Variants in GCH1 observed in about 807,000 individuals in gnomAD.
The protein encoded by GCH1 is GTP cyclohydrolase I.
A neutral mutation model predicts 25.9 loss-of-function variants in GCH1; 5 were observed. The ratio of observed to expected loss-of-function variants is 0.19; its 90% CI spans 0.10 to 0.41. The LOEUF is 0.41. GCH1 is among the 10% of genes least tolerant of loss of function. The probability of loss-of-function intolerance (pLI) is 1.00; values close to 1 mark genes in which losing one functional copy is unlikely to be tolerated. For synonymous variants in GCH1, 159 were observed against 129.6 expected (o/e 1.23, Z -1.54); for missense variants, 261 against 336.5 (o/e 0.78, Z 1.75).
At chr14:54,883,717 A>T (rs1393455937) in intron 1 of GCH1, among the ~76,000 whole-genome samples, 1 of 151,982 alleles carries the variant, frequency 6.6e-6, no homozygotes, top group Non-Finnish European at 1.5e-5. Flanking sequence ...GAGAAAACAG[A>T]CCCACTGCTG....
intron 3 of GCH1, among the ~76,000 whole-genome samples, chr14:54,853,237 T>G (rs1026755650): frequency 6.6e-6 from 1 of 152,216 alleles, no homozygotes; most frequent in Non-Finnish European, 1.5e-5. Flanking sequence ...GTGCTGAGAT[T>G]ATAGGCATGA....
chr14:54,892,843 T>C (rs954615566), intron 1 of GCH1, among the ~76,000 whole-genome samples: 5 of 151,892 alleles, frequency 3.3e-5, no homozygotes, highest in South Asian at 4.2e-4. Context: ...CTCTAGGAGG[T>C]TGAGACAGGC....
At chr14:54,896,920 A>G (rs1269076162) in intron 1 of GCH1, among the ~76,000 whole-genome samples, 1 of 143,726 alleles carries the variant, frequency 7.0e-6, no homozygotes, top group Non-Finnish European at 1.5e-5. Flanking sequence ...CTTCATCTCA[A>G]AAAAAAAAAA....
intron 3 of GCH1, among the ~76,000 whole-genome samples, chr14:54,855,790 G>T (rs1272431207): frequency 6.6e-6 from 1 of 152,108 alleles, no homozygotes; most frequent in Non-Finnish European, 1.5e-5. Flanking sequence ...CTCCAGCCTG[G>T]CCGACAAAGC....
Position 54,859,670 on chromosome 14 carries a change from G to C in GCH1, c.509+11C>G. The C allele has an allele frequency of 2.0e-6, 3 of 1,525,680 alleles. No individual in the cohort carries two copies. The highest frequency in any genetic ancestry group is 1.1e-5 in the South Asian group (1 of 89,302). 94.5% of individuals were successfully genotyped at this position (1,525,680 alleles called of 1,614,324 possible). A position where few individuals can be genotyped will look rare whatever the true frequency, so the allele number is the denominator to read the frequency against. On this transcript the variant is annotated intron_variant, in intron 3 of 5. Coordinates refer to ENST00000491895, the MANE Select transcript of GCH1 (RefSeq NM_000161.3). ...AACCTGTATTCTTGTTCACTGCACA[G>C]TCACACTTACCTCGCAAGTTTGCTG...
chr14:54,865,202 A>G (rs2039974139), intron 2 of GCH1, 125 bp downstream of exon 2: 3 of 630,548 alleles, frequency 4.8e-6, no homozygotes, highest in South Asian at 3.7e-5. Context: ...GAATAACCAT[A>G]TATGTATAAT....
chr14:54,850,982 T>C (rs1182991062), intron 3 of GCH1, among the ~76,000 whole-genome samples: 5 of 152,200 alleles, frequency 3.3e-5, no homozygotes, highest in Admixed American at 3.3e-4. Flanking sequence ...GACTTCAAAC[T>C]ATACTACAAG....
At chr14:54,851,887 G>C (rs1381102668) in intron 3 of GCH1, among the ~76,000 whole-genome samples, 1 of 152,180 alleles carries the variant, frequency 6.6e-6, no homozygotes, top group Non-Finnish European at 1.5e-5. Context: ...ATAACCAAAG[G>C]ATTATAAATC....
rs145562195 is a variant in GCH1, at chr14:54,898,676, T to G, written c.343+3645A>C. On this transcript the variant is annotated intron_variant, in intron 1 of 5. Transcript: ENST00000491895. ...ACTCTGTCAACCAGGCTGCAGTGCA[T>G]TGGTGCAATCTCGGCTCACTGCAAC... 9.6e-3 allele frequency among the ~76,000 whole-genome samples: 1,464 copies of G among 152,298 alleles called. 28 individuals carry two copies. Among genetic ancestry groups the G allele is most frequent in the African/African-American group, 0.033 (1,373 of 41,566 alleles).
intron 1 of GCH1, among the ~76,000 whole-genome samples, chr14:54,897,314 GT>G (rs1416825261): frequency 1.4e-5 from 2 of 146,872 alleles, no homozygotes; most frequent in Admixed American, 1.4e-4. Flanking sequence ...CTGAGACTGA[GT>G]TTCGCTCTTG....
chr14:54,847,902 C>A (rs1321558404), intron 3 of GCH1, among the ~76,000 whole-genome samples: 6 of 151,992 alleles, frequency 3.9e-5, no homozygotes, highest in African/African-American at 9.7e-5. Flanking sequence ...ATTGTTTTAT[C>A]AGAGCTTAAA....
At chr14:54,881,436 TA>T (rs2040271262) in intron 1 of GCH1, among the ~76,000 whole-genome samples, 1 of 152,180 alleles carries the variant, frequency 6.6e-6, no homozygotes, top group Admixed American at 6.5e-5. Context: ...AAGAGCATGT[TA>T]AAACAAATTC....
chr14:54,852,532 G>C (rs2039747594), intron 3 of GCH1, among the ~76,000 whole-genome samples: 1 of 152,166 alleles, frequency 6.6e-6, no homozygotes. Context: ...GTGCATCTTT[G>C]GGATGTGGGA....
rs1313327501 is a variant in GCH1, at chr14:54,902,804, C to T, written c.-141G>A. 3.5e-6 allele frequency: 4 copies of T among 1,131,012 alleles called. No individual in the cohort carries two copies. Among genetic ancestry groups the T allele is most frequent in the Non-Finnish European group, 4.5e-6 (4 of 885,426 alleles). The allele number at this position is 1,131,012 out of a possible 1,614,324, so 70.1% of individuals were successfully genotyped here. ...TACGCAACCTGCTTAGATCACACTC[C>T]GAGCCGGGAGCGGCCACAGGCTGGA... On this transcript the variant is annotated 5_prime_UTR_variant, in exon 1 of 6. Coordinates refer to ENST00000491895, the MANE Select transcript of GCH1 (RefSeq NM_000161.3).
At chr14:54,886,818 G>C (rs1445400093) in intron 1 of GCH1, among the ~76,000 whole-genome samples, 1 of 152,206 alleles carries the variant, frequency 6.6e-6, no homozygotes, top group Non-Finnish European at 1.5e-5. Flanking sequence ...GACTGAAGGG[G>C]AGAGGTCCCC....
Position 54,902,582 on chromosome 14 carries a change from G to A in GCH1, c.82C>T (p.Pro28Ser), listed in dbSNP as rs759709001. 6.7e-7 allele frequency: 1 copy of A among 1,493,976 alleles called. No homozygotes were observed. Among genetic ancestry groups the A allele is most frequent in the Admixed American group, 2.4e-5 (1 of 42,492 alleles). 92.5% of individuals were successfully genotyped at this position (1,493,976 alleles called of 1,614,324 possible). The change falls in exon 1 of 6, where the codon CCG (proline) becomes TCG (serine). Residue 28 changes from proline (P) to serine (S), a missense_variant. Physicochemically the swap from Pro to Ser is moderately conservative, Grantham distance 74. Transcript: ENST00000491895. ...CSNGFPERDPPRPGPSRPAEK... is the reference protein window; with the variant it reads ...CSNGFPERDPSRPGPSRPAEK... Reference sequence around the variant, plus strand: ...GCCGGCCTGCTGGGCCCGGGCCGCGGCGGATCCCGCTCGGGGAACCCATTG... The same window carrying A: ...GCCGGCCTGCTGGGCCCGGGCCGCGACGGATCCCGCTCGGGGAACCCATTG...
chr14:54,892,488 A>G (rs767108510), intron 1 of GCH1, among the ~76,000 whole-genome samples: 3 of 152,232 alleles, frequency 2.0e-5, no homozygotes, highest in Non-Finnish European at 4.4e-5. Flanking sequence ...CAGGAGTTCA[A>G]GAACAGCCTG....
intron 1 of GCH1, among the ~76,000 whole-genome samples, chr14:54,894,858 T>C (rs755054564): frequency 7.2e-5 from 11 of 152,184 alleles, no homozygotes; most frequent in Non-Finnish European, 5.9e-5. Flanking sequence ...TATTAATGGA[T>C]CAAAATTTGA....
intron 1 of GCH1, chr14:54,885,562 G>T (rs2040340186): frequency 2.6e-6 from 1 of 387,420 alleles, no homozygotes; most frequent in South Asian, 2.3e-5. Flanking sequence ...GCAAGGTGAG[G>T]GATGAATCCC....
Sources: allele counts gnomAD v4.1 joint callset (sites outside exome capture counted in the v4.1 genomes callset), GRCh38; gene constraint gnomAD v4.1.1; transcripts MANE v1.5; gene names NCBI Gene and HGNC (gene_info 2026-07-23, HGNC 2026-07-21).